GALNTL6: variants seen among roughly 807,000 people sequenced by gnomAD.
GALNTL6 encodes the protein polypeptide N-acetylgalactosaminyltransferase like 6.
In GALNTL6, 46 loss-of-function variants were observed where a neutral mutation model predicts 73.7. The observed-to-expected ratio is 0.62, with a 90% CI of 0.49 to 0.80. The LOEUF is 0.80. GALNTL6 is among the 30% of genes least tolerant of loss of function. The pLI, the probability that GALNTL6 is intolerant of heterozygous loss-of-function variation, is 0.00. For missense variants in GALNTL6, 604 were observed against 755.0 expected (o/e 0.80, Z 2.34); for synonymous variants, 259 against 263.7 (o/e 0.98, Z 0.17).
chr4:172,262,110 A>G (rs961759131), intron 3 of GALNTL6, among the ~76,000 whole-genome samples: 2 of 151,384 alleles, frequency 1.3e-5, no homozygotes, highest in African/African-American at 2.4e-5. Flanking sequence ...TATATCTTGC[A>G]GTTGTTGGAT....
intron 8 of GALNTL6, among the ~76,000 whole-genome samples, chr4:172,890,063 A>G (rs1227466012): frequency 6.6e-6 from 1 of 152,084 alleles, no homozygotes; most frequent in Non-Finnish European, 1.5e-5. Context: ...AACAGTCTCT[A>G]AGGTCTTTTT....
chr4:171,842,770 C>T (rs1735271139), intron 2 of GALNTL6, among the ~76,000 whole-genome samples: 1 of 152,084 alleles, frequency 6.6e-6, no homozygotes, highest in African/African-American at 2.4e-5. Context: ...ATTCAATCAC[C>T]TCCCACCAGG....
intron 3 of GALNTL6, among the ~76,000 whole-genome samples, chr4:172,233,149 G>C (rs1366233636): frequency 1.3e-5 from 2 of 148,748 alleles, no homozygotes; most frequent in African/African-American, 5.0e-5. Context: ...AGGGAGGATC[G>C]CTTGAGCCCA....
At chr4:172,731,446 A>G (rs563585358) in intron 5 of GALNTL6, among the ~76,000 whole-genome samples, 1 of 151,580 alleles carries the variant, frequency 6.6e-6, no homozygotes, top group Admixed American at 6.6e-5. Flanking sequence ...TCTCTCTTTT[A>G]TTCTTAGTCT....
At chr4:172,972,719 A>G (rs1307873009) in intron 10 of GALNTL6, among the ~76,000 whole-genome samples, 2 of 152,216 alleles carry the variant, frequency 1.3e-5, no homozygotes, top group Non-Finnish European at 2.9e-5. Flanking sequence ...GAAAGCTTTC[A>G]AAGGCTGGTG....
chr4:172,358,269 T>C (rs999068323), intron 5 of GALNTL6, among the ~76,000 whole-genome samples: 2 of 152,160 alleles, frequency 1.3e-5, no homozygotes, highest in Non-Finnish European at 2.9e-5. Context: ...ATGATTTCAC[T>C]ATTAAGAAAA....
intron 2 of GALNTL6, among the ~76,000 whole-genome samples, chr4:172,085,082 T>C (rs909342952): frequency 5.3e-5 from 8 of 152,214 alleles, no homozygotes; most frequent in African/African-American, 1.7e-4. Flanking sequence ...CAAAAAATAA[T>C]ACATATAAAT....
intron 7 of GALNTL6, among the ~76,000 whole-genome samples, chr4:172,820,863 T>A (rs1174237627): frequency 2.0e-5 from 3 of 152,226 alleles, no homozygotes; most frequent in African/African-American, 7.2e-5. Context: ...TAATTCTCTA[T>A]GATTGAGGTT....
chr4:172,894,944 T>A (rs918403503), intron 8 of GALNTL6, among the ~76,000 whole-genome samples: 2 of 142,714 alleles, frequency 1.4e-5, no homozygotes, highest in South Asian at 4.7e-4. Flanking sequence ...ATGATCTTGT[T>A]TTTTTTACAG....
At chr4:172,629,379 TA>T (rs1367385592) in intron 5 of GALNTL6, among the ~76,000 whole-genome samples, 2 of 152,202 alleles carry the variant, frequency 1.3e-5, no homozygotes, top group African/African-American at 2.4e-5. Context: ...TATAATGCTT[TA>T]AAAATGCAGA....
intron 2 of GALNTL6, among the ~76,000 whole-genome samples, chr4:172,164,196 T>C (rs1734553983): frequency 6.6e-6 from 1 of 152,060 alleles, no homozygotes; most frequent in Admixed American, 6.6e-5. Flanking sequence ...TGTTCATTGC[T>C]TTTGAATTTC....
Position 172,391,947 on chromosome 4 carries a change from C to A in GALNTL6, c.553+43258C>A. On this transcript the variant is annotated intron_variant, in intron 5 of 12. Transcript: ENST00000506823. ...AGGACACACTAATGAGAAAAATAAA[C>A]TAAGATAATGCTAATCAACTTTTTA... Among the ~76,000 whole-genome samples, 4 of 152,166 alleles carry A rather than the reference C, an allele frequency of 2.6e-5. No individual in the cohort carries two copies. In the Middle Eastern group the frequency reaches 0.014, roughly 518 times the overall value.
At chr4:172,910,560 AG>A (rs1184494830) in intron 8 of GALNTL6, among the ~76,000 whole-genome samples, 1 of 152,226 alleles carries the variant, frequency 6.6e-6, no homozygotes, top group Non-Finnish European at 1.5e-5. Flanking sequence ...GAAGGAATTT[AG>A]TTTGGATGGT....
At chr4:172,344,907 C>T (rs534406637) in intron 4 of GALNTL6, among the ~76,000 whole-genome samples, 24 of 152,128 alleles carry the variant, frequency 1.6e-4, no homozygotes, top group Non-Finnish European at 2.5e-4. Context: ...TCTGCAGTTC[C>T]TGTCTTTCCT....
At chr4:173,024,620 T>A (rs1400834058) in intron 12 of GALNTL6, among the ~76,000 whole-genome samples, 1 of 152,214 alleles carries the variant, frequency 6.6e-6, no homozygotes, top group Admixed American at 6.5e-5. Flanking sequence ...TTTGCTCTTG[T>A]TGCCCAGGCT....
At chr4:172,824,147 C>T (rs997528575) in intron 7 of GALNTL6, among the ~76,000 whole-genome samples, 12 of 152,092 alleles carry the variant, frequency 7.9e-5, no homozygotes, top group Admixed American at 4.6e-4. Context: ...TAAAGTCTAG[C>T]GAAGAAAACT....
chr4:172,692,586 A>C (rs1000488193), intron 5 of GALNTL6, among the ~76,000 whole-genome samples: 1 of 152,086 alleles, frequency 6.6e-6, no homozygotes, highest in African/African-American at 2.4e-5. Context: ...AAGTCAGTTC[A>C]AATTATTTTT....
intron 2 of GALNTL6, among the ~76,000 whole-genome samples, chr4:172,080,428 T>G (rs1731845254): frequency 6.6e-6 from 1 of 152,158 alleles, no homozygotes; most frequent in Non-Finnish European, 1.5e-5. Context: ...TTTCCCAAAG[T>G]GCTGCAATTA....
chr4:172,950,305 GTAA>G (rs1749380951), intron 9 of GALNTL6, among the ~76,000 whole-genome samples: 1 of 152,206 alleles, frequency 6.6e-6, no homozygotes, highest in African/African-American at 2.4e-5. Context: ...GCAATGGCAA[GTAA>G]TAATCTCTCA....
Sources: gnomAD v4.1 joint callset for allele counts (sites outside exome capture counted in the v4.1 genomes callset) on GRCh38, gnomAD v4.1.1 for gene constraint, MANE v1.5 for transcripts, NCBI Gene and HGNC (gene_info 2026-07-23, HGNC 2026-07-21) for gene names.